Variants in NFIA observed in about 807,000 individuals in gnomAD.
The protein encoded by NFIA is nuclear factor 1 A-type.
NFIA carries 8 observed loss-of-function variants against 62.8 expected under a neutral mutation model. The observed-to-expected ratio is 0.13, with a 90% CI of 0.07 to 0.23. The LOEUF (loss-of-function observed/expected upper bound fraction) is 0.23. Among genes scored for constraint, NFIA ranks in the 10% least tolerant of loss-of-function variants. NFIA has a pLI of 1.00. For synonymous variants in NFIA, 235 were observed against 238.1 expected, an observed-to-expected ratio of 0.99 and a Z score of 0.12; for missense variants, 410 against 642.1, an observed-to-expected ratio of 0.64 and a Z score of 3.91.
At chr1:61,371,807 A>G (rs1401783277) in intron 6 of NFIA, among the ~76,000 whole-genome samples, 1 of 152,184 alleles carries the variant, frequency 6.6e-6, no homozygotes, top group African/African-American at 2.4e-5. Flanking sequence ...ACATATGGAA[A>G]TAGTCCTTTG....
chr1:61,239,072 C>T (rs1305597458), intron 2 of NFIA, among the ~76,000 whole-genome samples: 1 of 151,724 alleles, frequency 6.6e-6, no homozygotes, highest in Non-Finnish European at 1.5e-5. Context: ...AAAAGCAATC[C>T]CAATCTTGCT....
rs140664846 is a variant in NFIA, at chr1:61,111,039, A to G, written c.559+22359A>G. On this transcript the variant is annotated intron_variant, in intron 2 of 10. Coordinates refer to ENST00000403491, the MANE Select transcript of NFIA (RefSeq NM_001134673.4). Reference sequence around the variant, plus strand: ...AGGCTCTCTGACACTTGTTAGAATTAAGACTCATTATAGGTTTACTTAATA... The same window carrying G: ...AGGCTCTCTGACACTTGTTAGAATTGAGACTCATTATAGGTTTACTTAATA... 7.9e-3 allele frequency among the ~76,000 whole-genome samples: 1,199 copies of G among 152,254 alleles called. 19 individuals are homozygous for G. Among genetic ancestry groups the G allele is most frequent in the African/African-American group, 0.027 (1,115 of 41,572 alleles).
At chr1:61,333,899 C>T (rs1418489676) in intron 4 of NFIA, among the ~76,000 whole-genome samples, 3 of 152,172 alleles carry the variant, frequency 2.0e-5, no homozygotes. Flanking sequence ...ACTCAGGAGG[C>T]TGAGGCAGGA....
upstream of NFIA, chr1:61,082,437 G>GGCGGAA: frequency 1.9e-6 from 2 of 1,029,648 alleles, no homozygotes; most frequent in Non-Finnish European, 2.3e-6. Flanking sequence ...CGGAGGCGGA[G>GGCGGAA]GCGGGCGCGC....
intron 3 of NFIA, among the ~76,000 whole-genome samples, chr1:61,280,891 T>C (rs1570504101): frequency 1.3e-5 from 2 of 152,246 alleles, no homozygotes; most frequent in Admixed American, 1.3e-4. Context: ...AATTAAATAA[T>C]AGCTGAGTGA....
At chr1:61,252,077 T>C (rs17121862) in intron 2 of NFIA, among the ~76,000 whole-genome samples, 4,692 of 152,284 alleles carry the variant, frequency 0.031, 248 homozygotes, top group African/African-American at 0.11. Context: ...CAACATTGTA[T>C]CACAGCATCA....
chr1:61,142,651 C>T (rs1030498680), intron 2 of NFIA, among the ~76,000 whole-genome samples: 3 of 152,132 alleles, frequency 2.0e-5, no homozygotes, highest in South Asian at 2.1e-4. Flanking sequence ...TTCCTTTACT[C>T]GTAATTTTAG....
chr1:61,345,322 T>C (rs1662167007), intron 4 of NFIA, among the ~76,000 whole-genome samples: 1 of 152,196 alleles, frequency 6.6e-6, no homozygotes, highest in African/African-American at 2.4e-5. Context: ...GGGAGGGTAA[T>C]TATTCACTCT....
In NFIA at chr1:61,337,284, C is replaced by A. The variant is rs545634169; in HGVS notation, c.700+4698C>A. ...AACTGAAGCTGCAATCTTCCGTGAA[C>A]TCCCCTTTCCTCCTTGCCTCCTGCC... On this transcript the variant is annotated intron_variant, in intron 4 of 10. Coordinates refer to ENST00000403491, the MANE Select transcript of NFIA (RefSeq NM_001134673.4). 5.3e-5 allele frequency among the ~76,000 whole-genome samples: 8 copies of A among 151,046 alleles called. No individual in the cohort carries two copies. The South Asian group carries it at 1.7e-3, about 32-fold the overall frequency.
intron 3 of NFIA, among the ~76,000 whole-genome samples, chr1:61,310,371 T>C (rs1431104492): frequency 1.3e-5 from 2 of 152,188 alleles, no homozygotes; most frequent in Non-Finnish European, 2.9e-5. Flanking sequence ...TCAGGAACTC[T>C]TCAGCACTTT....
At chr1:61,222,534 A>G (rs766029912) in intron 2 of NFIA, among the ~76,000 whole-genome samples, 1 of 152,092 alleles carries the variant, frequency 6.6e-6, no homozygotes. Context: ...TAACTTAGGA[A>G]AAGAAGAGAA....
intron 2 of NFIA, among the ~76,000 whole-genome samples, chr1:61,214,868 A>C (rs931431207): frequency 6.6e-6 from 1 of 152,252 alleles, no homozygotes; most frequent in Non-Finnish European, 1.5e-5. Context: ...TGCTAAAACC[A>C]GCACCATTTG....
chr1:61,151,009 G>C (rs1648360699), intron 2 of NFIA, among the ~76,000 whole-genome samples: 1 of 152,146 alleles, frequency 6.6e-6, no homozygotes, highest in Non-Finnish European at 1.5e-5. Context: ...TGCAGTGCAA[G>C]ACCAGTTGAT....
chr1:61,219,510 C>T (rs333140), intron 2 of NFIA, among the ~76,000 whole-genome samples: 10,246 of 151,650 alleles, frequency 0.068, 466 homozygotes, highest in East Asian at 0.19. Context: ...GTCAGGATAT[C>T]GAGACCCTCC....
intron 4 of NFIA, among the ~76,000 whole-genome samples, chr1:61,352,116 A>G (rs1382634532): frequency 1.3e-5 from 2 of 152,248 alleles, no homozygotes; most frequent in Non-Finnish European, 2.9e-5. Flanking sequence ...AGAAAAGTCT[A>G]AAGAGTGTTT....
chr1:61,124,827 C>T (rs922734104), intron 2 of NFIA: 123 of 152,094 alleles, frequency 8.1e-4, no homozygotes, highest in African/African-American at 2.8e-3. Flanking sequence ...AGTTTCAGGA[C>T]GTGGTGGTGG....
intron 6 of NFIA, among the ~76,000 whole-genome samples, chr1:61,365,905 A>C (rs1663561052): frequency 6.6e-6 from 1 of 152,222 alleles, no homozygotes; most frequent in African/African-American, 2.4e-5. Context: ...AGCTGAGGGT[A>C]GTTGAAAGCA....
At chr1:61,368,974 A>G (rs182821203) in intron 6 of NFIA, among the ~76,000 whole-genome samples, 6 of 152,332 alleles carry the variant, frequency 3.9e-5, no homozygotes, top group East Asian at 1.9e-4. Context: ...AATGGCTGTA[A>G]TAGATAAGAT....
intron 3 of NFIA, among the ~76,000 whole-genome samples, chr1:61,284,976 G>A (rs990439812): frequency 2.6e-5 from 4 of 152,158 alleles, no homozygotes; most frequent in Non-Finnish European, 5.9e-5. Context: ...AATGTATCTG[G>A]AATTGCGTAA....
Sources: gnomAD v4.1 joint callset for allele counts (sites outside exome capture counted in the v4.1 genomes callset) on GRCh38, gnomAD v4.1.1 for gene constraint, MANE v1.5 for transcripts, NCBI Gene and HGNC (gene_info 2026-07-23, HGNC 2026-07-21) for gene names.